Variants in TCAF1 observed in about 807,000 individuals in gnomAD.
TCAF1 encodes the protein TRPM8 channel associated factor 1, also known as TRPM8 channel-associated factor 1.
In TCAF1, 4 loss-of-function variants were observed where a neutral mutation model predicts 27.3. That is an observed-to-expected ratio of 0.15 (90% CI 0.07 to 0.34). TCAF1 has a LOEUF of 0.34. Among genes scored for constraint, TCAF1 ranks in the 10% least tolerant of loss-of-function variants. TCAF1 has a pLI of 1.00. For missense variants in TCAF1, 257 were observed against 425.8 expected (o/e 0.60, Z 3.49); for synonymous variants, 105 against 167.1 (o/e 0.63, Z 2.87).
chr7:143,882,404 G>C, intron 1 of TCAF1: 1 of 985,332 alleles, frequency 1.0e-6, no homozygotes, highest in Middle Eastern at 5.2e-4. Context: ...GATTAGACGC[G>C]GTTCTCTAGG....
intron 1 of TCAF1, among the ~76,000 whole-genome samples, chr7:143,879,218 A>G (rs554212406): frequency 3.9e-5 from 6 of 152,354 alleles, no homozygotes; most frequent in East Asian, 1.9e-4. Context: ...GATATGGCAC[A>G]GAAAAGAAAA....
Position 143,900,327 on chromosome 7 carries a change from T to C in TCAF1, c.-15+1634A>G, listed in dbSNP as rs144002704. ...AAATAATGGGATGTCGCTTCTGAGG[T>C]TACAGAAAGAATCTGACTTCTGTCT... On this transcript the variant is annotated intron_variant, in intron 1 of 8. Transcript: ENST00000479870. Among the ~76,000 whole-genome samples, 7 of 152,188 alleles carry C rather than the reference T, an allele frequency of 4.6e-5. No individual in the cohort carries two copies. In the East Asian group the frequency reaches 1.4e-3, roughly 29 times the overall value.
rs1369761917 is a variant in TCAF1, at chr7:143,885,106, T to C, written c.-14-8484A>G. 1.8e-5 allele frequency: 17 copies of C among 970,244 alleles called. No individual in the cohort carries two copies. In the East Asian group the frequency reaches 1.4e-3, roughly 78 times the overall value. The allele number at this position is 970,244 out of a possible 1,614,324, so 60.1% of individuals were successfully genotyped here. A position where few individuals can be genotyped will look rare whatever the true frequency, so the allele number is the denominator to read the frequency against. On this transcript the variant is annotated intron_variant, in intron 1 of 8. Transcript: ENST00000479870. The stretch of plus-strand genomic sequence containing the variant: ...CAAGGACCCCGACCCAGTGCCTCCT[T>C]CTCCCACCCGCACCTCAGCGGACTG...
intron 1 of TCAF1, among the ~76,000 whole-genome samples, chr7:143,877,634 C>G (rs2116784367): frequency 6.6e-6 from 1 of 152,336 alleles, no homozygotes; most frequent in East Asian, 1.9e-4. Flanking sequence ...ACTAATGATG[C>G]TCTATAGTCT....
At chr7:143,886,540 T>C in intron 1 of TCAF1, 2 of 984,960 alleles carry the variant, frequency 2.0e-6, no homozygotes, top group Non-Finnish European at 2.4e-6. Flanking sequence ...GTCCACTGGA[T>C]GGATGGATGA....
chr7:143,885,262 A>G (rs1813336587), intron 1 of TCAF1: 14 of 985,462 alleles, frequency 1.4e-5, no homozygotes, highest in Non-Finnish European at 1.7e-5. Context: ...GGAGTCTTCC[A>G]CAGAGATGTG....
chr7:143,882,725 G>T, intron 1 of TCAF1: 1 of 985,698 alleles, frequency 1.0e-6, no homozygotes, highest in African/African-American at 1.7e-5. Flanking sequence ...CTTTTGGAGA[G>T]GGCCACTCAC....
At chr7:143,859,972 T>G (rs1326326643) in intron 6 of TCAF1, among the ~76,000 whole-genome samples, 1 of 41,662 alleles carries the variant, frequency 2.4e-5, no homozygotes, top group Non-Finnish European at 4.5e-5. Context: ...ATATATTATA[T>G]AATATATATT....
chr7:143,885,613 A>G (rs907366635), intron 1 of TCAF1: 1 of 946,890 alleles, frequency 1.1e-6, no homozygotes, highest in African/African-American at 1.8e-5. Flanking sequence ...ATCTCTGTGT[A>G]AAATAATATA....
intron 1 of TCAF1, among the ~76,000 whole-genome samples, chr7:143,887,806 A>G (rs1325685890): frequency 6.6e-6 from 1 of 152,244 alleles, no homozygotes; most frequent in South Asian, 2.1e-4. Context: ...ATATAGCTGA[A>G]TCTCACCAAC....
At position 143,859,858 on chromosome 7, in the gene TCAF1, TATATACAC is replaced by T. The variant is rs1163085675; in HGVS notation, c.2167+342_2167+349del. Among the ~76,000 whole-genome samples the T allele has an allele frequency of 1.6e-3, 109 of 67,980 alleles. 8 individuals are homozygous for T. The highest frequency in any genetic ancestry group is 4.9e-3 in the African/African-American group (98 of 19,930). The allele number at this position is 67,980 out of a possible 152,430, so 44.6% of individuals were successfully genotyped here. On this transcript the variant is annotated intron_variant, in intron 6 of 8. Transcript: ENST00000479870. ...CTTGACATGCTGACCTAAACTGTTT[TATATACAC>T]ATATACATATATACATATATATAAT...
At chr7:143,880,350 C>T (rs1325622358) in intron 1 of TCAF1, among the ~76,000 whole-genome samples, 1 of 152,096 alleles carries the variant, frequency 6.6e-6, no homozygotes, top group East Asian at 1.9e-4. Flanking sequence ...GGATTCAAAT[C>T]CAGGAAACCC....
intron 1 of TCAF1, chr7:143,885,047 C>T (rs1418369088): frequency 3.0e-6 from 3 of 985,182 alleles, no homozygotes; most frequent in Non-Finnish European, 3.6e-6. Context: ...ACCACTTTGG[C>T]AGCCCCGCGT....
At chr7:143,887,949 A>G (rs1483282463) in intron 1 of TCAF1, among the ~76,000 whole-genome samples, 1 of 152,196 alleles carries the variant, frequency 6.6e-6, no homozygotes, top group East Asian at 1.9e-4. Flanking sequence ...CCAGGTAGTG[A>G]CTAGAGAGGA....
In TCAF1 at chr7:143,901,960, C is replaced by G. The variant is rs1814134260; in HGVS notation, c.-15+1G>C. On this transcript the variant is annotated splice_donor_variant, in intron 1 of 8. Coordinates refer to ENST00000479870, the MANE Select transcript of TCAF1 (RefSeq NM_014719.3). LOFTEE classifies it low-confidence loss of function (5UTR_SPLICE). ...CACCGCTCCCCGCCCCGGACACTAACCCGGGGCCCAGGCCTCGGTCACCGC... is the reference window on the plus strand; with the variant it reads ...CACCGCTCCCCGCCCCGGACACTAAGCCGGGGCCCAGGCCTCGGTCACCGC... The G allele has an allele frequency of 6.6e-6, 1 of 152,274 alleles. No individual in the cohort carries two copies. Among genetic ancestry groups the G allele is most frequent in the Non-Finnish European group, 1.5e-5 (1 of 68,124 alleles). The allele number at this position is 152,274 out of a possible 1,614,324, so 9.4% of individuals were successfully genotyped here. A position where few individuals can be genotyped will look rare whatever the true frequency, so the allele number is the denominator to read the frequency against.
At chr7:143,886,751 T>C (rs1586789783) in intron 1 of TCAF1, among the ~76,000 whole-genome samples, 1 of 138,380 alleles carries the variant, frequency 7.2e-6, no homozygotes, top group Non-Finnish European at 1.5e-5. Context: ...TGGAGTGCAG[T>C]GGAGCGAGGC....
chr7:143,891,488 A>C (rs1406194456), intron 1 of TCAF1, among the ~76,000 whole-genome samples: 1 of 152,178 alleles, frequency 6.6e-6, no homozygotes, highest in African/African-American at 2.4e-5. Flanking sequence ...ATTGGTACTT[A>C]ATAGATTGCT....
chr7:143,888,055 G>A (rs1175256842), intron 1 of TCAF1, among the ~76,000 whole-genome samples: 1 of 152,098 alleles, frequency 6.6e-6, no homozygotes, highest in East Asian at 1.9e-4. Context: ...GTATCAAGCT[G>A]TACATTTATG....
intron 1 of TCAF1, among the ~76,000 whole-genome samples, chr7:143,893,211 T>A (rs1174692246): frequency 6.6e-6 from 1 of 152,106 alleles, no homozygotes; most frequent in African/African-American, 2.4e-5. Flanking sequence ...AAGGATCAAT[T>A]CAGTACAGCA....
Sources: allele counts gnomAD v4.1 joint callset (sites outside exome capture counted in the v4.1 genomes callset), GRCh38; gene constraint gnomAD v4.1.1; transcripts MANE v1.5; gene names NCBI Gene and HGNC (gene_info 2026-07-23, HGNC 2026-07-21).